The following TTC34 variants were observed in gnomAD, a reference collection of about 807,000 sequenced individuals.
The protein encoded by TTC34 is tetratricopeptide repeat domain 34.
In TTC34, 44 loss-of-function variants were observed where a neutral mutation model predicts 40.7. The observed-to-expected ratio is 1.08, with a 90% CI of 0.85 to 1.39. TTC34 has a LOEUF of 1.39. Among genes scored for constraint, TTC34 ranks in the 40% most tolerant of loss-of-function variants. The pLI, the probability that TTC34 is intolerant of heterozygous loss-of-function variation, is 0.00. For synonymous variants in TTC34, 422 were observed against 398.6 expected, an observed-to-expected ratio of 1.06 and a Z score of -0.70; for missense variants, 884 against 838.0, an observed-to-expected ratio of 1.05 and a Z score of -0.68.
At chr1:2,681,895 A>C (rs1287796253) in intron 6 of TTC34, among the ~76,000 whole-genome samples, 1 of 34,620 alleles carries the variant, frequency 2.9e-5, no homozygotes, top group Admixed American at 2.4e-4. Flanking sequence ...GCCTGGAACA[A>C]CAGCCTGCAC....
At chr1:2,790,949 C>T (rs1430684791) in intron 2 of TTC34, among the ~76,000 whole-genome samples, 6 of 152,190 alleles carry the variant, frequency 3.9e-5, no homozygotes, top group African/African-American at 7.2e-5. Flanking sequence ...TGGGCATTTA[C>T]GGAGTCTCCT....
At chr1:2,786,047 C>A in intron 4 of TTC34, 24 bp from the exon 5 acceptor site, 8 of 1,443,948 alleles carry the variant, frequency 5.5e-6, no homozygotes, top group Non-Finnish European at 5.5e-6. Context: ...ACAGTCACTG[C>A]CCATGCCCTT....
At chr1:2,789,020 G>A (rs940251383) in intron 3 of TTC34, among the ~76,000 whole-genome samples, 8 of 152,168 alleles carry the variant, frequency 5.3e-5, no homozygotes, top group Admixed American at 4.6e-4. Context: ...GGAGGTTGCA[G>A]CAAGCCAAGA....
In TTC34 at chr1:2,700,314, T is replaced by A. The variant is rs969067820; in HGVS notation, c.2227-54751A>T. Among the ~76,000 whole-genome samples, 2 of 53,264 alleles carry A rather than the reference T, an allele frequency of 3.8e-5. 1 individual carries two copies. The highest frequency in any genetic ancestry group is 8.6e-5 in the Non-Finnish European group (2 of 23,384). 34.9% of individuals were successfully genotyped at this position (53,264 alleles called of 152,430 possible). A position where few individuals can be genotyped will look rare whatever the true frequency, so the allele number is the denominator to read the frequency against. ...ACACCCCCAGGTGAGCATCCGACAG[T>A]CTGGGGCAGCACCCACTCCCGCAGG... is the stretch of plus-strand genomic sequence containing the variant. On this transcript the variant is annotated intron_variant, in intron 6 of 8. Transcript: ENST00000401095.
In TTC34 at chr1:2,642,886, G is replaced by A. The variant is rs1017548513; in HGVS notation, c.2713-991C>T. 2.0e-5 allele frequency among the ~76,000 whole-genome samples: 3 copies of A among 152,232 alleles called. No individual in the cohort carries two copies. In the South Asian group the frequency reaches 6.2e-4, roughly 31 times the overall value. The stretch of plus-strand genomic sequence containing the variant: ...CTGCTGGGCTCCCGCAGGGCACAGT[G>A]TGGCCTCTTCTGCCAGCTGTGAGCG... On this transcript the variant is annotated intron_variant, in intron 8 of 8. Transcript: ENST00000401095.
chr1:2,686,840 A>C (rs1437685692), intron 6 of TTC34, among the ~76,000 whole-genome samples: 55 of 69,120 alleles, frequency 8.0e-4, no homozygotes, highest in Admixed American at 1.3e-3. Context: ...GCAGCACCCC[A>C]CACCCCCAGG....
intron 6 of TTC34, among the ~76,000 whole-genome samples, chr1:2,659,797 A>G (rs1294249979): frequency 8.2e-6 from 1 of 121,900 alleles, no homozygotes; most frequent in Non-Finnish European, 1.7e-5. Context: ...ACAACAGGTG[A>G]GCATCTGAGA....
At chr1:2,646,619 C>T (rs1639025907) in intron 6 of TTC34, among the ~76,000 whole-genome samples, 1 of 152,346 alleles carries the variant, frequency 6.6e-6, no homozygotes, top group South Asian at 2.1e-4. Context: ...CTTCTGGTCT[C>T]AAGCCATCCT....
chr1:2,783,506 A>G (rs1266406430), intron 6 of TTC34, 103 bp downstream of exon 6: 2 of 1,196,214 alleles, frequency 1.7e-6, no homozygotes, highest in Non-Finnish European at 2.2e-6. Context: ...CTCACTGCTC[A>G]GGATGGCCTA....
intron 6 of TTC34, among the ~76,000 whole-genome samples, chr1:2,750,294 G>A (rs1641272945): frequency 1.4e-5 from 1 of 71,932 alleles, no homozygotes; most frequent in Admixed American, 2.2e-4. Context: ...CCCCAGGTGA[G>A]CATCTGACAG....
intron 6 of TTC34, among the ~76,000 whole-genome samples, chr1:2,681,671 G>A (rs1265498362): frequency 2.3e-5 from 2 of 86,192 alleles, no homozygotes; most frequent in African/African-American, 7.3e-5. Context: ...ACACCCCCAG[G>A]TGAGCATTTG....
intron 6 of TTC34, among the ~76,000 whole-genome samples, chr1:2,753,358 C>G (rs1401870223): frequency 1.1e-5 from 1 of 94,528 alleles, no homozygotes; most frequent in Non-Finnish European, 2.1e-5. Flanking sequence ...ATCTGACAGC[C>G]TAGAACAGCA....
At chr1:2,649,376 T>A (rs918995984) in intron 6 of TTC34, among the ~76,000 whole-genome samples, 1 of 151,756 alleles carries the variant, frequency 6.6e-6, no homozygotes, top group Non-Finnish European at 1.5e-5. Context: ...GGTGAGAATC[T>A]GAATGCCTGG....
At chr1:2,751,729 C>A (rs1297828254) in intron 6 of TTC34, among the ~76,000 whole-genome samples, 4 of 139,874 alleles carry the variant, frequency 2.9e-5, no homozygotes, top group South Asian at 2.4e-4. Context: ...CACCCACACC[C>A]CCAGGTGAGC....
chr1:2,686,196 C>A (rs1162884633), intron 6 of TTC34, among the ~76,000 whole-genome samples: 4 of 145,094 alleles, frequency 2.8e-5, no homozygotes, highest in Non-Finnish European at 6.0e-5. Context: ...GAGCAGCGCC[C>A]ACACCCCCAG....
intron 6 of TTC34, among the ~76,000 whole-genome samples, chr1:2,683,819 G>T (rs868025550): frequency 7.0e-6 from 1 of 143,498 alleles, no homozygotes; most frequent in African/African-American, 2.6e-5. Flanking sequence ...TGACAGCCGG[G>T]AACAGCACCC....
intron 6 of TTC34, among the ~76,000 whole-genome samples, chr1:2,759,901 G>C (rs1641638167): frequency 7.0e-6 from 1 of 143,456 alleles, no homozygotes; most frequent in East Asian, 2.1e-4. Flanking sequence ...GCATCTGACA[G>C]CCTGGAACAT....
At chr1:2,788,308 ATGT>A (rs1280508191) in intron 3 of TTC34, among the ~76,000 whole-genome samples, 1 of 150,580 alleles carries the variant, frequency 6.6e-6, no homozygotes, top group Non-Finnish European at 1.5e-5. Context: ...TGTTATGTAC[ATGT>A]TGTGTGTTGT....
intron 6 of TTC34, among the ~76,000 whole-genome samples, chr1:2,754,865 C>A (rs1284574342): frequency 1.5e-4 from 6 of 38,770 alleles, no homozygotes; most frequent in Non-Finnish European, 2.6e-4. Flanking sequence ...ACATGCCCAG[C>A]TGAGCCTGTG....
Sources: gnomAD v4.1 joint callset for allele counts (sites outside exome capture counted in the v4.1 genomes callset) on GRCh38, gnomAD v4.1.1 for gene constraint, MANE v1.5 for transcripts, NCBI Gene and HGNC (gene_info 2026-07-23, HGNC 2026-07-21) for gene names.